TMEM135: variants seen among roughly 807,000 people sequenced by gnomAD.
The protein encoded by TMEM135 is peroxisomal membrane protein 52.
In TMEM135, 30 loss-of-function variants were observed where a neutral mutation model predicts 60.3. That is an observed-to-expected ratio of 0.50 (90% CI 0.37 to 0.68). TMEM135 has a LOEUF of 0.68. Among genes scored for constraint, TMEM135 ranks in the 30% least tolerant of loss-of-function variants. TMEM135 has a pLI of 0.00. For synonymous variants in TMEM135, 190 were observed against 186.7 expected (o/e 1.02, Z -0.14); for missense variants, 468 against 548.8 (o/e 0.85, Z 1.47).
At chr11:87,190,747 A>G (rs973604788) in intron 5 of TMEM135, among the ~76,000 whole-genome samples, 3 of 152,292 alleles carry the variant, frequency 2.0e-5, no homozygotes, top group South Asian at 4.1e-4. Context: ...CTGACTTTCT[A>G]TTGTGGTCTA....
chr11:87,246,621 C>T (rs1440330862), intron 6 of TMEM135, among the ~76,000 whole-genome samples: 1 of 151,252 alleles, frequency 6.6e-6, no homozygotes, highest in Admixed American at 6.6e-5. Context: ...ATCACTGATA[C>T]CCTTTTTTCC....
At chr11:87,135,856 T>G (rs1004794759) in intron 4 of TMEM135, among the ~76,000 whole-genome samples, 2 of 152,088 alleles carry the variant, frequency 1.3e-5, no homozygotes, top group African/African-American at 4.8e-5. Context: ...ATATTGAGTA[T>G]TTTGACCAAT....
chr11:87,272,046 CTTTTCTTTTTTT>C (rs1031874790), intron 6 of TMEM135, among the ~76,000 whole-genome samples: 18 of 69,666 alleles, frequency 2.6e-4, no homozygotes, highest in Middle Eastern at 9.6e-3. Flanking sequence ...CTTTCTTTTT[CTTTTCTTTTTTT>C]TTTTTTTTTT....
At chr11:87,258,196 T>C (rs1036302083) in intron 6 of TMEM135, among the ~76,000 whole-genome samples, 21 of 23,534 alleles carry the variant, frequency 8.9e-4, no homozygotes, top group African/African-American at 3.3e-3. Context: ...GGAAAAGCCT[T>C]TTTTTTTTTC....
intron 6 of TMEM135, among the ~76,000 whole-genome samples, chr11:87,247,701 T>A (rs555087076): frequency 1.8e-4 from 27 of 152,300 alleles, no homozygotes; most frequent in African/African-American, 6.5e-4. Context: ...TTTTTAAGCC[T>A]GTCGGAAAAG....
intron 4 of TMEM135, among the ~76,000 whole-genome samples, chr11:87,129,625 C>G (rs999282460): frequency 1.8e-4 from 27 of 150,298 alleles, no homozygotes; most frequent in African/African-American, 6.4e-4. Flanking sequence ...ACTGCAACCT[C>G]TGCCCCCCGG....
Position 87,236,076 on chromosome 11 carries a change from T to A in TMEM135, c.463-562T>A, listed in dbSNP as rs960445846. Among the ~76,000 whole-genome samples the A allele has an allele frequency of 4.5e-4, 68 of 152,100 alleles. No individual in the cohort carries two copies. The Middle Eastern group carries it at 0.01, about 23-fold the overall frequency. On this transcript the variant is annotated intron_variant, in intron 5 of 14. Transcript: ENST00000305494. ...CTGATTATACAAAAGCTGTTGTCCT[T>A]GTTTTTAAGTTAAGCTTGCATGTTT...
At chr11:87,193,390 C>T (rs1169969146) in intron 5 of TMEM135, among the ~76,000 whole-genome samples, 1 of 152,194 alleles carries the variant, frequency 6.6e-6, no homozygotes, top group East Asian at 1.9e-4. Flanking sequence ...TTAGTTTAGC[C>T]TCTGCTAATT....
intron 3 of TMEM135, among the ~76,000 whole-genome samples, chr11:87,083,528 A>G (rs1165813620): frequency 1.3e-5 from 2 of 152,214 alleles, no homozygotes; most frequent in Non-Finnish European, 2.9e-5. Flanking sequence ...ATTAAATTGC[A>G]CTATAGTACT....
chr11:87,326,482 C>T lies in TMEM135; in HGVS notation c.*5149C>T. The T allele has an allele frequency of 2.2e-6, 1 of 453,898 alleles. No homozygotes were observed. The highest frequency in any genetic ancestry group is 4.4e-6 in the Non-Finnish European group (1 of 226,750). 28.1% of individuals were successfully genotyped at this position (453,898 alleles called of 1,614,324 possible). On this transcript the variant is annotated 3_prime_UTR_variant, in exon 15 of 15. Transcript: ENST00000305494. ...ATTATTTTTGGTCACCTAAGAGGAC[C>T]CTGAAGCTATAGTGCCAAAGGTTTA...
At chr11:87,070,630 C>T (rs1020551730) in intron 2 of TMEM135, among the ~76,000 whole-genome samples, 5 of 138,176 alleles carry the variant, frequency 3.6e-5, no homozygotes, top group Non-Finnish European at 7.6e-5. Flanking sequence ...AGCAAGACTC[C>T]ATCTAAAAAC....
intron 5 of TMEM135, among the ~76,000 whole-genome samples, chr11:87,235,824 T>A (rs889552201): frequency 3.3e-5 from 5 of 151,962 alleles, no homozygotes; most frequent in Admixed American, 1.3e-4. Flanking sequence ...ACCATCTTAA[T>A]ATGTTGTGTT....
chr11:87,153,412 G>A (rs1423026920), intron 4 of TMEM135, among the ~76,000 whole-genome samples: 4 of 152,076 alleles, frequency 2.6e-5, no homozygotes, highest in Non-Finnish European at 5.9e-5. Flanking sequence ...CTTGTAGAGG[G>A]GGTTTTGGCA....
chr11:87,309,726 T>C (rs908832436), intron 10 of TMEM135, 54 bp downstream of exon 10: 218 of 1,579,484 alleles, frequency 1.4e-4, no homozygotes, highest in South Asian at 5.0e-4. Flanking sequence ...ATTGCTATTG[T>C]TAGAATGAGA....
intron 1 of TMEM135, among the ~76,000 whole-genome samples, chr11:87,054,883 G>C (rs1949877918): frequency 6.6e-6 from 1 of 151,948 alleles, no homozygotes; most frequent in Non-Finnish European, 1.5e-5. Flanking sequence ...GTGTGCCCCT[G>C]GCTGCATTTG....
At position 87,136,389 on chromosome 11, in the gene TMEM135, G is replaced by A. The variant is rs575082893; in HGVS notation, c.397-20952G>A. On this transcript the variant is annotated intron_variant, in intron 4 of 14. Transcript: ENST00000305494. ...TGTATTATTCTTCTTATATATTGTT[G>A]GATTCAGTGTGCTCAGATTTTCTTA... 1.2e-4 allele frequency among the ~76,000 whole-genome samples: 18 copies of A among 151,964 alleles called. No individual in the cohort carries two copies. The South Asian group carries it at 3.1e-3, about 26-fold the overall frequency.
intron 1 of TMEM135, among the ~76,000 whole-genome samples, chr11:87,060,490 G>T (rs1949935312): frequency 6.6e-6 from 1 of 152,184 alleles, no homozygotes; most frequent in South Asian, 2.1e-4. Flanking sequence ...TTTATAACAT[G>T]CAGTATGGAT....
intron 4 of TMEM135, chr11:87,094,982 A>G (rs1349329154): frequency 6.2e-6 from 1 of 162,112 alleles, no homozygotes; most frequent in Admixed American, 6.3e-5. Flanking sequence ...CCTGTAATAG[A>G]TATTTACACC....
chr11:87,190,705 G>C (rs566294685), intron 5 of TMEM135, among the ~76,000 whole-genome samples: 2 of 152,270 alleles, frequency 1.3e-5, no homozygotes, highest in Admixed American at 1.3e-4. Flanking sequence ...TGACCTGAAA[G>C]AGAAAGACAG....
Sources: gnomAD v4.1 joint callset for allele counts (sites outside exome capture counted in the v4.1 genomes callset) on GRCh38, gnomAD v4.1.1 for gene constraint, MANE v1.5 for transcripts, NCBI Gene and HGNC (gene_info 2026-07-23, HGNC 2026-07-21) for gene names.